Variants in SLA observed in about 807,000 individuals in gnomAD.
SLA encodes the protein src-like-adapter.
Under a neutral mutation model 30.3 loss-of-function variants are expected in SLA, and 16 were observed. That is an observed-to-expected ratio of 0.53 (90% CI 0.36 to 0.80). The LOEUF is 0.80. SLA is among the 30% of genes least tolerant of loss of function. The probability of loss-of-function intolerance (pLI) is 0.01; values close to 1 mark genes in which losing one functional copy is unlikely to be tolerated. For synonymous variants in SLA, 143 were observed against 137.8 expected (o/e 1.04, Z -0.26); for missense variants, 310 against 345.2 (o/e 0.90, Z 0.81).
intron 1 of SLA, among the ~76,000 whole-genome samples, chr8:133,100,194 T>C (rs1331943681): frequency 6.6e-6 from 1 of 152,194 alleles, no homozygotes; most frequent in Non-Finnish European, 1.5e-5. Context: ...TGTTTTTTCT[T>C]CTGGAATGTT....
At chr8:133,045,190 C>A (rs774065468) in intron 6 of SLA, 75 bp from the exon 7 acceptor site, 120 of 1,549,048 alleles carry the variant, frequency 7.7e-5, no homozygotes, top group Non-Finnish European at 1.0e-4. Flanking sequence ...CAGCCCACCA[C>A]CACTGAGGCA....
chr8:133,073,615 T>G (rs185376067), intron 2 of SLA, among the ~76,000 whole-genome samples: 248 of 152,290 alleles, frequency 1.6e-3, no homozygotes, highest in Non-Finnish European at 2.8e-3. Flanking sequence ...ACCTCTCCAC[T>G]TTTCGAAGGA....
intron 1 of SLA, chr8:133,095,044 G>A (rs200705981): frequency 6.2e-7 from 1 of 1,613,382 alleles, no homozygotes. Flanking sequence ...TCTCTTCCAG[G>A]GAGGCTCCGC....
intron 1 of SLA, among the ~76,000 whole-genome samples, chr8:133,101,477 G>T (rs1444374257): frequency 6.6e-6 from 1 of 152,152 alleles, no homozygotes. Context: ...GTTCTGGAGG[G>T]CCTCAATCTC....
At chr8:133,081,142 C>T (rs1488889357) in intron 1 of SLA, among the ~76,000 whole-genome samples, 14 of 152,370 alleles carry the variant, frequency 9.2e-5, no homozygotes, top group East Asian at 1.9e-4. Flanking sequence ...CCTGGTCTAG[C>T]GCAAGGCGCA....
At position 133,082,066 on chromosome 8, in the gene SLA, C is replaced by T. The variant is rs140059938; in HGVS notation, c.-318-6936G>A. On this transcript the variant is annotated intron_variant, in intron 1 of 8. Transcript: ENST00000338087. The stretch of plus-strand genomic sequence containing the variant: ...AAGGGCACAGAGATCCTTGTGAACT[C>T]TGTTTAAGGACACAGACAAAAGACA... Among the ~76,000 whole-genome samples, 17 of 152,292 alleles carry T rather than the reference C, an allele frequency of 1.1e-4. No homozygotes were observed. The East Asian group carries it at 3.3e-3, about 29-fold the overall frequency.
chr8:133,039,118 A>T (rs1233193623), intron 8 of SLA, among the ~76,000 whole-genome samples: 2 of 152,196 alleles, frequency 1.3e-5, no homozygotes, highest in Admixed American at 6.5e-5. Flanking sequence ...ACCTTAGGTG[A>T]TCTGCCCACC....
chr8:133,050,151 C>A (rs1840140170), intron 4 of SLA, 163 bp from the exon 5 acceptor site: 2 of 642,558 alleles, frequency 3.1e-6, no homozygotes, highest in Admixed American at 4.6e-5. Context: ...TGAAAATTTT[C>A]TTTTTAAAGG....
chr8:133,095,134 A>G, intron 1 of SLA: 10 of 1,614,236 alleles, frequency 6.2e-6, no homozygotes, highest in South Asian at 2.2e-5. Flanking sequence ...CAGTTGCCCC[A>G]TGTCATCCAG....
intron 2 of SLA, among the ~76,000 whole-genome samples, chr8:133,072,143 C>T (rs906829055): frequency 6.6e-6 from 1 of 152,190 alleles, no homozygotes; most frequent in South Asian, 2.1e-4. Context: ...CATATACACA[C>T]CAAGTCCTCC....
At chr8:133,088,337 G>A (rs6999702) in intron 1 of SLA, among the ~76,000 whole-genome samples, 37,722 of 151,954 alleles carry the variant, frequency 0.25, 4,936 homozygotes, top group African/African-American at 0.28. Flanking sequence ...TCCACCAGCC[G>A]CTCATGAGTG....
intron 1 of SLA, among the ~76,000 whole-genome samples, chr8:133,088,407 G>A (rs192597479): frequency 6.6e-6 from 1 of 152,246 alleles, no homozygotes; most frequent in Non-Finnish European, 1.5e-5. Flanking sequence ...AGCACAGTGT[G>A]GGGGGAACAA....
chr8:133,055,179 T>G (rs180725126), intron 3 of SLA, among the ~76,000 whole-genome samples: 5 of 152,204 alleles, frequency 3.3e-5, no homozygotes, highest in Non-Finnish European at 7.4e-5. Context: ...AAAGGCAGAC[T>G]CCAGGTAAGT....
At chr8:133,078,407 C>G (rs776059204) in intron 1 of SLA, among the ~76,000 whole-genome samples, 1 of 152,174 alleles carries the variant, frequency 6.6e-6, no homozygotes, top group Admixed American at 6.5e-5. Flanking sequence ...ATTGTGAGTT[C>G]GCTTCCATGT....
At chr8:133,050,567 C>T (rs183398059) in intron 4 of SLA, 100 of 430,364 alleles carry the variant, frequency 2.3e-4, no homozygotes, top group African/African-American at 1.9e-3. Context: ...GAGGCTGGAT[C>T]ATAAAGGATC....
chr8:133,051,029 T>C, intron 3 of SLA, 114 bp from the exon 4 acceptor site: 1 of 654,412 alleles, frequency 1.5e-6, no homozygotes, highest in East Asian at 2.7e-5. Context: ...AGGAAATACC[T>C]TTCTTGTTTT....
chr8:133,071,554 C>CCA (rs1181164422), intron 2 of SLA, among the ~76,000 whole-genome samples: 1 of 152,054 alleles, frequency 6.6e-6, no homozygotes, highest in Non-Finnish European at 1.5e-5. Flanking sequence ...AGAGGTGGGT[C>CCA]CACACACTCT....
In SLA at chr8:133,042,678, C is replaced by CTTTTTTTTTTTTTTTTTT. The variant is rs58739514; in HGVS notation, c.484+2288_484+2305dup. Among the ~76,000 whole-genome samples the CTTTTTTTTTTTTTTTTTT allele has an allele frequency of 1.9e-4, 11 of 56,732 alleles. 3 individuals are homozygous for CTTTTTTTTTTTTTTTTTT. The highest frequency in any genetic ancestry group is 4.8e-4 in the African/African-American group (7 of 14,466). 37.2% of individuals were successfully genotyped at this position (56,732 alleles called of 152,430 possible). ...GTGCACAATTCCTCTCATTCTGTGT[C>CTTTTTTTTTTTTTTTTTT]TTTTTTTTTTTTTTTTTTTTTTTTT... On this transcript the variant is annotated intron_variant, in intron 7 of 8. Transcript: ENST00000338087.
rs934192149 is a variant in SLA, at chr8:133,074,814, C to A, written c.-41+39G>T. On this transcript the variant is annotated intron_variant, in intron 2 of 8. Transcript: ENST00000338087. ...CTGCGTGTTGAAGAGGCCCTGAAGT[C>A]TCTCCCCACCCCATCTCTGCCACAT... 1.5e-5 allele frequency: 15 copies of A among 981,220 alleles called. No homozygotes were observed. In the African/African-American group the frequency reaches 2.4e-4, roughly 16 times the overall value. The allele number at this position is 981,220 out of a possible 1,614,324, so 60.8% of individuals were successfully genotyped here. A position where few individuals can be genotyped will look rare whatever the true frequency, so the allele number is the denominator to read the frequency against.
Sources: allele counts gnomAD v4.1 joint callset (sites outside exome capture counted in the v4.1 genomes callset), GRCh38; gene constraint gnomAD v4.1.1; transcripts MANE v1.5; gene names NCBI Gene and HGNC (gene_info 2026-07-23, HGNC 2026-07-21).